Variants in IQCM observed in about 807,000 individuals in gnomAD.
IQCM encodes IQ domain-containing protein M.
Under a neutral mutation model 57.6 loss-of-function variants are expected in IQCM, and 45 were observed. That is an observed-to-expected ratio of 0.78 (90% confidence interval 0.62 to 1.00). IQCM has a LOEUF of 1.00. Among genes scored for constraint, IQCM ranks in the 50% least tolerant of loss-of-function variants. IQCM has a pLI of 0.00. For missense variants in IQCM, 468 were observed against 511.6 expected (o/e 0.91, Z 0.82); for synonymous variants, 148 against 158.9 (o/e 0.93, Z 0.51).
intron 9 of IQCM, among the ~76,000 whole-genome samples, chr4:149,587,391 C>T (rs1036758536): frequency 6.6e-6 from 1 of 151,660 alleles, no homozygotes; most frequent in Admixed American, 6.6e-5. Context: ...CTTTTCGAAA[C>T]TTCATTGTTA....
At chr4:149,810,160 G>A (rs2150065862) in intron 2 of IQCM, among the ~76,000 whole-genome samples, 1 of 152,066 alleles carries the variant, frequency 6.6e-6, no homozygotes, top group East Asian at 2.0e-4. Flanking sequence ...CAAGGTGGGT[G>A]GAACACTTGA....
chr4:149,680,956 C>T (rs563294341), intron 7 of IQCM, among the ~76,000 whole-genome samples: 1 of 151,148 alleles, frequency 6.6e-6, no homozygotes. Flanking sequence ...TGAGAATTGC[C>T]AAGTCCTTCA....
At chr4:149,358,882 A>AGTATATCATGATCTACT in intron 13 of IQCM, among the ~76,000 whole-genome samples, 1 of 151,468 alleles carries the variant, frequency 6.6e-6, no homozygotes, top group Non-Finnish European at 1.5e-5. Context: ...ATATCATGAG[A>AGTATATCATGATCTACT]CCACAGTGGA....
chr4:149,410,438 G>GTA (rs1733303307), intron 13 of IQCM, among the ~76,000 whole-genome samples: 2 of 150,356 alleles, frequency 1.3e-5, no homozygotes, highest in Admixed American at 6.6e-5. Context: ...GTGTGTGTGT[G>GTA]TGTATTTAAA....
intron 7 of IQCM, among the ~76,000 whole-genome samples, chr4:149,667,267 C>T (rs1441876466): frequency 1.3e-5 from 2 of 152,180 alleles, no homozygotes; most frequent in African/African-American, 4.8e-5. Context: ...GCAGCCTCTG[C>T]TGGTGATACC....
chr4:149,533,220 T>C (rs1010451453), intron 12 of IQCM, among the ~76,000 whole-genome samples: 3 of 152,100 alleles, frequency 2.0e-5, no homozygotes, highest in Non-Finnish European at 4.4e-5. Flanking sequence ...ATTCTACATG[T>C]GATAGGAAGG....
At chr4:149,472,067 G>A (rs551321944) in intron 12 of IQCM, among the ~76,000 whole-genome samples, 100 of 152,228 alleles carry the variant, frequency 6.6e-4, no homozygotes, top group African/African-American at 2.3e-3. Flanking sequence ...GCACAAGACA[G>A]GGATGCCCTC....
chr4:149,413,850 T>C (rs965311907), intron 13 of IQCM, among the ~76,000 whole-genome samples: 3 of 152,208 alleles, frequency 2.0e-5, no homozygotes, highest in Admixed American at 2.0e-4. Flanking sequence ...TTCACTGAAA[T>C]GTTGACATGT....
intron 12 of IQCM, among the ~76,000 whole-genome samples, chr4:149,434,684 T>G (rs1735183634): frequency 6.6e-6 from 1 of 152,100 alleles, no homozygotes; most frequent in South Asian, 2.1e-4. Context: ...CTGTCCTGCT[T>G]GTGAGGCTAG....
intron 5 of IQCM, among the ~76,000 whole-genome samples, chr4:149,703,451 A>T (rs191588076): frequency 1.3e-4 from 20 of 152,002 alleles, no homozygotes; most frequent in South Asian, 8.3e-4. Flanking sequence ...AAATCTCATA[A>T]CTATCATAAC....
At chr4:149,524,411 G>A (rs1368789401) in intron 12 of IQCM, among the ~76,000 whole-genome samples, 2 of 152,036 alleles carry the variant, frequency 1.3e-5, no homozygotes, top group African/African-American at 4.8e-5. Context: ...CTTAAGAGCT[G>A]TAAATTTAAG....
At chr4:149,528,159 T>C (rs925870071) in intron 12 of IQCM, among the ~76,000 whole-genome samples, 1 of 152,048 alleles carries the variant, frequency 6.6e-6, no homozygotes, top group Middle Eastern at 3.2e-3. Flanking sequence ...CTAATTTTTG[T>C]ATTTTTATTA....
At chr4:149,519,151 A>G (rs891532108) in intron 12 of IQCM, among the ~76,000 whole-genome samples, 2 of 152,182 alleles carry the variant, frequency 1.3e-5, no homozygotes, top group Non-Finnish European at 2.9e-5. Context: ...GCAAATAAAT[A>G]AGAGCAGCTT....
At chr4:149,404,356 C>A (rs1192292328) in intron 13 of IQCM, among the ~76,000 whole-genome samples, 1 of 151,958 alleles carries the variant, frequency 6.6e-6, no homozygotes, top group East Asian at 1.9e-4. Context: ...AAATGTTTGA[C>A]CTTTGACTTC....
intron 12 of IQCM, among the ~76,000 whole-genome samples, chr4:149,483,892 A>G (rs1741181668): frequency 6.6e-6 from 1 of 151,886 alleles, no homozygotes; most frequent in Non-Finnish European, 1.5e-5. Context: ...CTGTTATTGT[A>G]TTGGAGCCTA....
intron 7 of IQCM, among the ~76,000 whole-genome samples, chr4:149,657,225 G>A (rs1322423351): frequency 1.3e-5 from 2 of 151,946 alleles, no homozygotes. Context: ...CTGTGATATC[G>A]ATATTTTTTT....
At chr4:149,513,870 T>G (rs1019802638) in intron 12 of IQCM, among the ~76,000 whole-genome samples, 4 of 152,148 alleles carry the variant, frequency 2.6e-5, no homozygotes, top group African/African-American at 9.7e-5. Flanking sequence ...AATTAAAGCA[T>G]GCCAAGTTTA....
chr4:149,352,800 C>T (rs758705588), intron 13 of IQCM, among the ~76,000 whole-genome samples: 48 of 152,154 alleles, frequency 3.2e-4, no homozygotes, highest in Non-Finnish European at 5.3e-4. Context: ...ATAGATCCAT[C>T]TTTATGTATA....
At chr4:149,366,988 A>G (rs894657762) in intron 13 of IQCM, among the ~76,000 whole-genome samples, 2 of 152,056 alleles carry the variant, frequency 1.3e-5, no homozygotes, top group Non-Finnish European at 2.9e-5. Flanking sequence ...AATGAGAATA[A>G]TAACTGTCAT....
Sources: gnomAD v4.1 joint callset for allele counts (sites outside exome capture counted in the v4.1 genomes callset) on GRCh38, gnomAD v4.1.1 for gene constraint, MANE v1.5 for transcripts, NCBI Gene and HGNC (gene_info 2026-07-23, HGNC 2026-07-21) for gene names.